GUCY1A2: variants seen among roughly 807,000 people sequenced by gnomAD.
The protein encoded by GUCY1A2 is guanylate cyclase soluble subunit alpha-2.
GUCY1A2 carries 27 observed loss-of-function variants against 63.5 expected under a neutral mutation model. The ratio of observed to expected loss-of-function variants is 0.43; its 90% CI spans 0.31 to 0.59. The LOEUF is 0.59. GUCY1A2 is among the 20% of genes least tolerant of loss of function. The pLI is 0.11. For missense variants in GUCY1A2, 768 were observed against 913.3 expected (o/e 0.84, Z 2.05); for synonymous variants, 364 against 343.5 (o/e 1.06, Z -0.66).
At chr11:106,959,377 T>C (rs1349186455) in intron 3 of GUCY1A2, among the ~76,000 whole-genome samples, 5 of 152,226 alleles carry the variant, frequency 3.3e-5, no homozygotes, top group Non-Finnish European at 7.3e-5. Context: ...CCATATTCAT[T>C]TTTTCAGTGT....
intron 6 of GUCY1A2, among the ~76,000 whole-genome samples, chr11:106,729,393 G>GT (rs1011250017): frequency 1.1e-4 from 17 of 151,476 alleles, no homozygotes; most frequent in Admixed American, 2.6e-4. Context: ...ACTAAAATAT[G>GT]TTTTTTTTTA....
chr11:106,756,122 G>T (rs1306681520), intron 6 of GUCY1A2, among the ~76,000 whole-genome samples: 2 of 152,034 alleles, frequency 1.3e-5, no homozygotes, highest in African/African-American at 2.4e-5. Context: ...TGTCTCTTTT[G>T]ATCTTTGTTG....
intron 2 of GUCY1A2, among the ~76,000 whole-genome samples, chr11:106,979,454 CAAAAAAAAAAAAAA>C (rs368315276): frequency 1.7e-5 from 1 of 59,484 alleles, no homozygotes; most frequent in African/African-American, 7.0e-5. Flanking sequence ...GACTCCGTCT[CAAAAAAAAAAAAAA>C]AAAAAAAGAA....
chr11:106,703,929 T>C (rs10890565), intron 7 of GUCY1A2, among the ~76,000 whole-genome samples: 19,721 of 152,096 alleles, frequency 0.13, 1,448 homozygotes, highest in African/African-American at 0.15. Flanking sequence ...ATGTGATTAA[T>C]TGAATTAATT....
chr11:106,981,532 ATTCTTTATTGT>A (rs1861335621), intron 2 of GUCY1A2, among the ~76,000 whole-genome samples: 2 of 150,110 alleles, frequency 1.3e-5, no homozygotes, highest in African/African-American at 5.0e-5. Context: ...ATATTTCTTT[ATTCTTTATTGT>A]TTAAAATATA....
At chr11:106,871,026 T>C (rs537920711) in intron 4 of GUCY1A2, among the ~76,000 whole-genome samples, 1 of 152,234 alleles carries the variant, frequency 6.6e-6, no homozygotes, top group South Asian at 2.1e-4. Context: ...ACCATGTCCA[T>C]ATTTCCAGTG....
At chr11:106,895,289 T>C (rs1379476389) in intron 4 of GUCY1A2, among the ~76,000 whole-genome samples, 1 of 152,200 alleles carries the variant, frequency 6.6e-6, no homozygotes, top group Admixed American at 6.5e-5. Context: ...AGTTCACTAG[T>C]GAATTCTACC....
At chr11:106,782,785 G>C (rs1177801436) in intron 5 of GUCY1A2, among the ~76,000 whole-genome samples, 5 of 152,034 alleles carry the variant, frequency 3.3e-5, no homozygotes, top group Non-Finnish European at 7.4e-5. Flanking sequence ...CAAAACCATA[G>C]CCCAGACTTT....
At chr11:106,956,671 C>T (rs1860988988) in intron 3 of GUCY1A2, among the ~76,000 whole-genome samples, 1 of 152,162 alleles carries the variant, frequency 6.6e-6, no homozygotes, top group South Asian at 2.1e-4. Context: ...CTTCTGGGAC[C>T]TCTGACCTCG....
At chr11:106,795,147 G>A (rs542748932) in intron 5 of GUCY1A2, among the ~76,000 whole-genome samples, 7 of 152,074 alleles carry the variant, frequency 4.6e-5, no homozygotes, top group Non-Finnish European at 8.8e-5. Context: ...GATAAGTTAC[G>A]TGACTTACTC....
At chr11:106,764,685 C>T (rs1027743406) in intron 6 of GUCY1A2, among the ~76,000 whole-genome samples, 9 of 152,130 alleles carry the variant, frequency 5.9e-5, no homozygotes, top group Admixed American at 1.3e-4. Context: ...AGAGTGCTCA[C>T]GCACTCTAGC....
intron 1 of GUCY1A2, among the ~76,000 whole-genome samples, chr11:107,002,911 T>C (rs1293112862): frequency 6.6e-6 from 1 of 152,212 alleles, no homozygotes; most frequent in East Asian, 1.9e-4. Flanking sequence ...GCCTTTGCAC[T>C]GTACTCCTAC....
rs188295024 is a variant in GUCY1A2, at chr11:106,826,034, A to G, written c.1207-15556T>C. 1.7e-3 allele frequency among the ~76,000 whole-genome samples: 261 copies of G among 152,338 alleles called. 2 individuals carry two copies. Among genetic ancestry groups the G allele is most frequent in the Non-Finnish European group, 3.0e-3 (204 of 68,026 alleles). ...CCTGAAACCACAGCCATATTTTGAC[A>G]TTTCACAAAGAATGGTTCTAATCTA... is the stretch of plus-strand genomic sequence containing the variant. On this transcript the variant is annotated intron_variant, in intron 4 of 7. Transcript: ENST00000526355.
chr11:107,001,161 T>C (rs1336524693), intron 1 of GUCY1A2, among the ~76,000 whole-genome samples: 1 of 152,224 alleles, frequency 6.6e-6, no homozygotes, highest in Non-Finnish European at 1.5e-5. Flanking sequence ...TGAAATTTCA[T>C]TCCTGAAATG....
intron 4 of GUCY1A2, among the ~76,000 whole-genome samples, chr11:106,874,202 C>A (rs1018716203): frequency 6.6e-6 from 1 of 152,202 alleles, no homozygotes; most frequent in Non-Finnish European, 1.5e-5. Flanking sequence ...TTATATAGTG[C>A]ACTCTCCCAC....
intron 6 of GUCY1A2, among the ~76,000 whole-genome samples, chr11:106,751,558 AG>A (rs1328152574): frequency 3.3e-5 from 5 of 152,170 alleles, no homozygotes; most frequent in African/African-American, 1.2e-4. Context: ...ATCACATCCC[AG>A]GGTTCTGAGC....
chr11:106,884,117 C>T (rs1859864680), intron 4 of GUCY1A2, among the ~76,000 whole-genome samples: 1 of 151,964 alleles, frequency 6.6e-6, no homozygotes, highest in South Asian at 2.1e-4. Context: ...ACCAACATGG[C>T]ACATGTATAC....
At chr11:106,861,142 C>T (rs1276123882) in intron 4 of GUCY1A2, among the ~76,000 whole-genome samples, 1 of 151,940 alleles carries the variant, frequency 6.6e-6, no homozygotes, top group Non-Finnish European at 1.5e-5. Flanking sequence ...TCTAGATAAA[C>T]CCAGTCTCTA....
chr11:106,962,181 A>G (rs1861066186), intron 3 of GUCY1A2, among the ~76,000 whole-genome samples: 1 of 152,168 alleles, frequency 6.6e-6, no homozygotes, highest in Non-Finnish European at 1.5e-5. Context: ...TATTAACAGG[A>G]CTAGATTCAT....
Sources: allele counts gnomAD v4.1 joint callset (sites outside exome capture counted in the v4.1 genomes callset), GRCh38; gene constraint gnomAD v4.1.1; transcripts MANE v1.5; gene names NCBI Gene and HGNC (gene_info 2026-07-23, HGNC 2026-07-21).